Variants in SH2D3A observed in about 807,000 individuals in gnomAD.
SH2D3A encodes the protein SH2 domain containing 3A.
Under a neutral mutation model 50.6 loss-of-function variants are expected in SH2D3A, and 46 were observed. The ratio of observed to expected loss-of-function variants is 0.91; its 90% CI spans 0.72 to 1.16. SH2D3A has a LOEUF of 1.16. Ranked by LOEUF, SH2D3A falls within the 50% of genes most tolerant of loss-of-function variation. The probability of loss-of-function intolerance (pLI) is 0.00; values close to 1 mark genes in which losing one functional copy is unlikely to be tolerated. For synonymous variants in SH2D3A, 377 were observed against 348.4 expected (o/e 1.08, Z -0.91); for missense variants, 783 against 786.2 (o/e 1.00, Z 0.05).
chr19:6,754,556 G>C (rs990819189), intron 6 of SH2D3A, 60 bp downstream of exon 6: 81 of 1,607,446 alleles, frequency 5.0e-5, no homozygotes, highest in Non-Finnish European at 6.7e-5. Context: ...GCTGTTTGGA[G>C]ATCTTGGGAA....
chr19:6,762,418 C>T (rs1970073066), intron 2 of SH2D3A, among the ~76,000 whole-genome samples: 1 of 151,416 alleles, frequency 6.6e-6, no homozygotes, highest in Non-Finnish European at 1.5e-5. Flanking sequence ...CTCCTGACTT[C>T]AGGTGATCTA....
intron 8 of SH2D3A, 106 bp downstream of exon 8, chr19:6,753,946 G>T: frequency 7.4e-7 from 1 of 1,347,642 alleles, no homozygotes. Flanking sequence ...TATGGTGAAG[G>T]GACCGGGCCT....
chr19:6,754,347 CAG>C lies in SH2D3A; in HGVS notation c.1174_1175del (p.Leu392GlufsTer55). 6.4e-7 allele frequency: 1 copy of C among 1,574,594 alleles called. No homozygotes were observed. Among genetic ancestry groups the C allele is most frequent in the Non-Finnish European group, 8.6e-7 (1 of 1,166,862 alleles). Reference protein sequence around the residue: ...SGPLEERAAALRGLVELALAL... With the variant: ...SGPLEERAAAXRGLVELALAL... Reference sequence around the variant, plus strand: ...CCAGCGCCAGCTCTACCAGTCCCCTCAGTGCGGCTGCGCGCTCCTCCAGCGGC... The same window carrying C: ...CCAGCGCCAGCTCTACCAGTCCCCTCTGCGGCTGCGCGCTCCTCCAGCGGC... On this transcript the variant is annotated frameshift_variant, in exon 7 of 10. Coordinates refer to ENST00000245908, the MANE Select transcript of SH2D3A (RefSeq NM_005490.3). LOFTEE classifies it high-confidence loss of function.
At chr19:6,762,677 T>C (rs1367121929) in intron 2 of SH2D3A, among the ~76,000 whole-genome samples, 1 of 149,208 alleles carries the variant, frequency 6.7e-6, no homozygotes, top group South Asian at 2.2e-4. Flanking sequence ...CTGGATAATT[T>C]TCGCTTTTTT....
rs749165337 is a variant in SH2D3A at position 6,755,159 on chromosome 19, G to T, written c.653C>A (p.Ser218Tyr). The change falls in exon 5 of 10, where the codon TCC becomes TAC. Residue 218 changes from serine to tyrosine, a missense_variant. Ser to Tyr is a moderately radical substitution (Grantham distance 144). Coordinates refer to ENST00000245908, the MANE Select transcript of SH2D3A (RefSeq NM_005490.3). ...TTCAGAGGCATCAGGCAGTTCGAAG[G>T]AGGGTGTCCGGGGGGGCTTCGTTGG... is the stretch of plus-strand genomic sequence containing the variant. ...KAPTKPPRTPSFELPDASERP... is the reference protein window; with the variant it reads ...KAPTKPPRTPYFELPDASERP... The T allele has an allele frequency of 7.5e-6, 12 of 1,608,372 alleles. No homozygotes were observed. The African/African-American group carries it at 1.6e-4, about 22-fold the overall frequency.
In SH2D3A at chr19:6,763,791, T is replaced by C. The variant is rs2144643261; in HGVS notation, c.-43A>G. 6.5e-7 allele frequency: 1 copy of C among 1,539,098 alleles called. No homozygotes were observed. Among genetic ancestry groups the C allele is most frequent in the South Asian group, 1.1e-5 (1 of 87,268 alleles). ...AGGGTGCCAGGGCTGAGCTCTGCAC[T>C]TTCAACAGGCCTCAGTCTTCCACAT... On this transcript the variant is annotated 5_prime_UTR_variant, in exon 2 of 10. Transcript: ENST00000245908.
chr19:6,764,767 G>A (rs753144669), intron 1 of SH2D3A, among the ~76,000 whole-genome samples: 15 of 151,290 alleles, frequency 9.9e-5, no homozygotes, highest in African/African-American at 1.5e-4. Context: ...CTGCAGTGGT[G>A]CAATCACAGC....
chr19:6,759,550 C>G (rs1283981782), intron 4 of SH2D3A, 44 bp downstream of exon 4: 1 of 1,581,298 alleles, frequency 6.3e-7, no homozygotes, highest in Non-Finnish European at 8.7e-7. Context: ...TGGTGAGTGG[C>G]AGAGCCAATC....
intron 1 of SH2D3A, among the ~76,000 whole-genome samples, chr19:6,766,141 G>A (rs891798353): frequency 2.6e-5 from 4 of 152,204 alleles, no homozygotes; most frequent in Non-Finnish European, 5.9e-5. Flanking sequence ...GAGGAGCGCT[G>A]GGCAGGGAGC....
At chr19:6,756,660 T>C (rs1363382531) in intron 4 of SH2D3A, among the ~76,000 whole-genome samples, 2 of 152,116 alleles carry the variant, frequency 1.3e-5, no homozygotes, top group Non-Finnish European at 2.9e-5. Context: ...AGACTGTATT[T>C]ACCATGCCTT....
At chr19:6,753,151 T>TG in intron 9 of SH2D3A, 1 of 984,260 alleles carries the variant, frequency 1.0e-6, no homozygotes, top group Non-Finnish European at 1.2e-6. Context: ...AGGGCGTTCT[T>TG]GGGGATCGAG....
chr19:6,761,012 G>T, intron 2 of SH2D3A, 25 bp from the exon 3 acceptor site: 1 of 1,571,512 alleles, frequency 6.4e-7, no homozygotes, highest in Non-Finnish European at 8.7e-7. Context: ...CAGGGGGCAG[G>T]GGAATTAGGA....
At chr19:6,759,726 C>A in intron 3 of SH2D3A, 56 bp from the exon 4 acceptor site, 2 of 1,537,284 alleles carry the variant, frequency 1.3e-6, no homozygotes, top group Non-Finnish European at 1.8e-6. Context: ...TGTCCCCCAC[C>A]AATATCTGCA....
chr19:6,756,947 T>C (rs1408282834), intron 4 of SH2D3A, among the ~76,000 whole-genome samples: 1 of 152,102 alleles, frequency 6.6e-6, no homozygotes, highest in East Asian at 1.9e-4. Context: ...CTCGGCTTAT[T>C]GCAACCTCTG....
chr19:6,755,640 C>T (rs1006270107), intron 4 of SH2D3A, among the ~76,000 whole-genome samples: 4 of 151,662 alleles, frequency 2.6e-5, no homozygotes, highest in Admixed American at 6.6e-5. Context: ...CCTCCCTCCT[C>T]GGCCTCCCAA....
chr19:6,762,486 AT>A (rs138638983), intron 2 of SH2D3A, among the ~76,000 whole-genome samples: 2 of 108,096 alleles, frequency 1.9e-5, no homozygotes, highest in African/African-American at 6.8e-5. Flanking sequence ...TGCCCGGCCC[AT>A]TTTTTTCTTC....
intron 4 of SH2D3A, among the ~76,000 whole-genome samples, chr19:6,757,077 G>C (rs1260281762): frequency 2.0e-5 from 3 of 151,932 alleles, no homozygotes; most frequent in Admixed American, 2.0e-4. Flanking sequence ...ATGTTGGCCA[G>C]GATGGTCTTG....
intron 4 of SH2D3A, among the ~76,000 whole-genome samples, chr19:6,756,087 T>TA (rs1266792926): frequency 1.3e-5 from 2 of 149,508 alleles, no homozygotes; most frequent in Non-Finnish European, 3.0e-5. Flanking sequence ...AAAAAAAAGA[T>TA]ATCTATCTAT....
chr19:6,761,272 G>A lies in SH2D3A; in HGVS notation c.70-285C>T, dbSNP rs62125125. 8.6e-5 allele frequency: 32 copies of A among 370,000 alleles called. No homozygotes were observed. In the Middle Eastern group the frequency reaches 2.2e-3, roughly 26 times the overall value. The allele number at this position is 370,000 out of a possible 1,614,324, so 22.9% of individuals were successfully genotyped here. A position where few individuals can be genotyped will look rare whatever the true frequency, so the allele number is the denominator to read the frequency against. ...GCTATGGGAAATATCCAGACCTGGC[G>A]CATAAAACCCTGCTGCACAATCTTA... On this transcript the variant is annotated intron_variant, in intron 2 of 9. Coordinates refer to ENST00000245908, the MANE Select transcript of SH2D3A (RefSeq NM_005490.3).
Sources: gnomAD v4.1 joint callset for allele counts (sites outside exome capture counted in the v4.1 genomes callset) on GRCh38, gnomAD v4.1.1 for gene constraint, MANE v1.5 for transcripts, NCBI Gene and HGNC (gene_info 2026-07-23, HGNC 2026-07-21) for gene names.